KPNA1: variants seen among roughly 807,000 people sequenced by gnomAD.
The protein encoded by KPNA1 is karyopherin subunit alpha 1.
A neutral mutation model predicts 70.5 loss-of-function variants in KPNA1; 10 were observed. The observed-to-expected ratio is 0.14, with a 90% CI of 0.09 to 0.24. KPNA1 has a LOEUF of 0.24. KPNA1 is among the 10% of genes least tolerant of loss of function. The pLI is 1.00. For missense variants in KPNA1, 397 were observed against 637.9 expected (o/e 0.62, Z 4.07); for synonymous variants, 192 against 221.9 (o/e 0.87, Z 1.20).
Position 122,436,160 on chromosome 3 carries a change from C to T in KPNA1, c.1122+1010G>A, listed in dbSNP as rs1025064552. 3.3e-5 allele frequency among the ~76,000 whole-genome samples: 5 copies of T among 152,156 alleles called. No individual in the cohort carries two copies. The South Asian group carries it at 6.2e-4, about 19-fold the overall frequency. On this transcript the variant is annotated intron_variant, in intron 11 of 13. Transcript: ENST00000344337. ...TGTGGATAAGGGATGAAATAAACCC[C>T]GGTCTCCCTTAGCGCTCCCAGGCCT...
intron 2 of KPNA1, among the ~76,000 whole-genome samples, chr3:122,486,459 A>G (rs1168507886): frequency 6.6e-6 from 1 of 152,236 alleles, no homozygotes; most frequent in Non-Finnish European, 1.5e-5. Context: ...AAAATGTACT[A>G]AAAAGGTGCA....
chr3:122,446,643 T>C (rs9856490), intron 9 of KPNA1, among the ~76,000 whole-genome samples: 77,363 of 151,876 alleles, frequency 0.51, 20,173 homozygotes, highest in East Asian at 0.65. Context: ...AATTCAAAAG[T>C]TAGCAGAAGG....
intron 9 of KPNA1, among the ~76,000 whole-genome samples, chr3:122,449,071 C>T (rs1474053414): frequency 6.6e-6 from 1 of 152,198 alleles, no homozygotes. Flanking sequence ...TATGTTATCA[C>T]TTTCATTTTT....
intron 10 of KPNA1, 123 bp from the exon 11 acceptor site, chr3:122,437,418 T>C (rs2076003623): frequency 1.5e-6 from 1 of 657,164 alleles, no homozygotes; most frequent in Middle Eastern, 4.2e-4. Flanking sequence ...TAAGTAACTT[T>C]ATACAGGTAA....
At chr3:122,503,936 G>C (rs2076858839) in intron 1 of KPNA1, among the ~76,000 whole-genome samples, 1 of 152,168 alleles carries the variant, frequency 6.6e-6, no homozygotes, top group Admixed American at 6.5e-5. Flanking sequence ...AGTGGCTGCT[G>C]GGTGTTTTGG....
At chr3:122,503,379 G>A (rs2076852715) in intron 1 of KPNA1, among the ~76,000 whole-genome samples, 1 of 152,184 alleles carries the variant, frequency 6.6e-6, no homozygotes, top group African/African-American at 2.4e-5. Flanking sequence ...TTTGTAGTTT[G>A]AAATGATTCC....
chr3:122,489,656 G>A (rs2076675083), intron 2 of KPNA1, among the ~76,000 whole-genome samples: 1 of 152,052 alleles, frequency 6.6e-6, no homozygotes, highest in African/African-American at 2.4e-5. Context: ...TTTATTACCT[G>A]ATAACTCTAA....
chr3:122,497,338 T>C (rs1161052381), intron 1 of KPNA1, among the ~76,000 whole-genome samples: 1 of 152,256 alleles, frequency 6.6e-6, no homozygotes, highest in African/African-American at 2.4e-5. Flanking sequence ...CGCCAGCTAA[T>C]GGACATTTGG....
intron 2 of KPNA1, among the ~76,000 whole-genome samples, chr3:122,475,036 G>T (rs1021727452): frequency 1.3e-5 from 2 of 152,116 alleles, no homozygotes; most frequent in Non-Finnish European, 2.9e-5. Context: ...GAAATAAAAG[G>T]CATCTAAATT....
intron 10 of KPNA1, among the ~76,000 whole-genome samples, chr3:122,441,802 T>C (rs1324683439): frequency 1.3e-5 from 2 of 152,216 alleles, no homozygotes; most frequent in African/African-American, 2.4e-5. Context: ...GGTTTCACCA[T>C]GTTGCCCAGG....
chr3:122,496,983 C>T (rs919011466), intron 1 of KPNA1, among the ~76,000 whole-genome samples: 6 of 152,160 alleles, frequency 3.9e-5, no homozygotes, highest in African/African-American at 1.4e-4. Flanking sequence ...GGATTTCAGG[C>T]GTGAGCCACT....
chr3:122,426,312 T>G lies in KPNA1; in HGVS notation c.*673A>C, dbSNP rs533314000. On this transcript the variant is annotated 3_prime_UTR_variant, in exon 14 of 14. Coordinates refer to ENST00000344337, the MANE Select transcript of KPNA1 (RefSeq NM_002264.4). ...CCAGTATCACATTTAGGAGTCAAAGTGTTAATTCTTCAGCATTCCTGACAA... is the reference window on the plus strand; with the variant it reads ...CCAGTATCACATTTAGGAGTCAAAGGGTTAATTCTTCAGCATTCCTGACAA... 6.6e-6 allele frequency: 1 copy of G among 152,610 alleles called. No individual in the cohort carries two copies. Among genetic ancestry groups the G allele is most frequent in the South Asian group, 2.1e-4 (1 of 4,818 alleles). The allele number at this position is 152,610 out of a possible 1,614,324, so 9.5% of individuals were successfully genotyped here. A position where few individuals can be genotyped will look rare whatever the true frequency, so the allele number is the denominator to read the frequency against.
rs2075840610 is a variant in KPNA1, at chr3:122,427,735, G to A, written c.1251-19C>T. 2.0e-6 allele frequency: 3 copies of A among 1,487,286 alleles called. No homozygotes were observed. Among genetic ancestry groups the A allele is most frequent in the South Asian group, 1.4e-5 (1 of 70,426 alleles). The allele number at this position is 1,487,286 out of a possible 1,614,324, so 92.1% of individuals were successfully genotyped here. ...TAGGTACCTAAATACAAAGAATAAT[G>A]TAGTCAAACAAAACTTTTAATTTTG... On this transcript the variant is annotated intron_variant, in intron 12 of 13. Transcript: ENST00000344337.
intron 3 of KPNA1, 118 bp downstream of exon 3, chr3:122,467,204 T>C: frequency 2.0e-6 from 1 of 509,050 alleles, no homozygotes; most frequent in Non-Finnish European, 3.5e-6. Flanking sequence ...AGCATATTCT[T>C]TTTAAAAATG....
chr3:122,499,394 C>G (rs531376991), intron 1 of KPNA1, among the ~76,000 whole-genome samples: 2 of 152,220 alleles, frequency 1.3e-5, no homozygotes, highest in African/African-American at 4.8e-5. Context: ...TAAAGAGTGT[C>G]AGATTCTGTC....
chr3:122,478,032 C>T (rs1475442695), intron 2 of KPNA1, among the ~76,000 whole-genome samples: 1 of 151,290 alleles, frequency 6.6e-6, no homozygotes, highest in East Asian at 2.0e-4. Context: ...CGTGGTGGCA[C>T]GTGCCTCTAA....
chr3:122,442,997 G>A (rs542250877), intron 9 of KPNA1: 9 of 152,436 alleles, frequency 5.9e-5, no homozygotes, highest in Admixed American at 4.6e-4. Context: ...AGCATGACAG[G>A]GCGTCGCCTC....
At chr3:122,511,237 G>T (rs1475787747) in intron 1 of KPNA1, among the ~76,000 whole-genome samples, 1 of 152,032 alleles carries the variant, frequency 6.6e-6, no homozygotes, top group Non-Finnish European at 1.5e-5. Flanking sequence ...TGCCTATTCT[G>T]ACCCCAACCT....
At chr3:122,457,075 AG>A (rs2076272490) in intron 5 of KPNA1, among the ~76,000 whole-genome samples, 1 of 152,114 alleles carries the variant, frequency 6.6e-6, no homozygotes, top group East Asian at 1.9e-4. Flanking sequence ...CCCTGAGTAT[AG>A]GCCTCTGTTA....
Sources: allele counts gnomAD v4.1 joint callset (sites outside exome capture counted in the v4.1 genomes callset), GRCh38; gene constraint gnomAD v4.1.1; transcripts MANE v1.5; gene names NCBI Gene and HGNC (gene_info 2026-07-23, HGNC 2026-07-21).